Variants in ELP3 observed in about 807,000 individuals in gnomAD.
The protein encoded by ELP3 is elongator complex protein 3.
A neutral mutation model predicts 74.9 loss-of-function variants in ELP3; 56 were observed. The observed-to-expected ratio is 0.75, with a 90% CI of 0.60 to 0.93. The LOEUF is 0.93. Ranked by LOEUF, ELP3 falls within the 40% of genes least tolerant of loss-of-function variation. The probability of loss-of-function intolerance (pLI) is 0.00; values close to 1 mark genes in which losing one functional copy is unlikely to be tolerated. For synonymous variants in ELP3, 222 were observed against 239.8 expected (o/e 0.93, Z 0.68); for missense variants, 573 against 686.5 (o/e 0.83, Z 1.85).
intron 10 of ELP3, among the ~76,000 whole-genome samples, chr8:28,144,295 A>C (rs532729934): frequency 6.6e-6 from 1 of 152,290 alleles, no homozygotes; most frequent in East Asian, 1.9e-4. Flanking sequence ...CTAGTAAAAC[A>C]GCTTCATATC....
intron 7 of ELP3, chr8:28,129,297 G>A: frequency 1.8e-6 from 1 of 552,602 alleles, no homozygotes; most frequent in South Asian, 2.3e-5. Context: ...GCAGTTAAAG[G>A]AACCGAAGCA....
chr8:28,102,303 T>C (rs1333741339), intron 3 of ELP3, among the ~76,000 whole-genome samples: 1 of 152,350 alleles, frequency 6.6e-6, no homozygotes, highest in East Asian at 1.9e-4. Context: ...TCACCTTTCC[T>C]GTCCATGTTA....
intron 3 of ELP3, among the ~76,000 whole-genome samples, chr8:28,102,775 T>A (rs1437074956): frequency 6.6e-6 from 1 of 152,240 alleles, no homozygotes; most frequent in Non-Finnish European, 1.5e-5. Flanking sequence ...GTACATACAT[T>A]AGAATACACT....
At chr8:28,128,215 C>G (rs755058439) in intron 7 of ELP3, among the ~76,000 whole-genome samples, 1 of 151,964 alleles carries the variant, frequency 6.6e-6, no homozygotes, top group Non-Finnish European at 1.5e-5. Flanking sequence ...GGCTCATGCC[C>G]GTAATCCCAG....
chr8:28,179,213 G>A (rs933566775), intron 14 of ELP3, among the ~76,000 whole-genome samples: 11 of 152,180 alleles, frequency 7.2e-5, no homozygotes, highest in African/African-American at 2.4e-4. Flanking sequence ...TATAACAAGG[G>A]CAACTGTATA....
At chr8:28,128,148 G>A (rs1287802307) in intron 7 of ELP3, among the ~76,000 whole-genome samples, 1 of 152,048 alleles carries the variant, frequency 6.6e-6, no homozygotes, top group Non-Finnish European at 1.5e-5. Context: ...TTGTAGAAGG[G>A]TGCACTAAGA....
intron 7 of ELP3, among the ~76,000 whole-genome samples, chr8:28,128,508 G>A (rs575254316): frequency 1.3e-5 from 2 of 152,234 alleles, no homozygotes; most frequent in African/African-American, 4.8e-5. Flanking sequence ...GAAAAGCAGA[G>A]AAGTCTGGGG....
chr8:28,186,798 A>C, intron 14 of ELP3, among the ~76,000 whole-genome samples: 1 of 152,188 alleles, frequency 6.6e-6, no homozygotes, highest in Non-Finnish European at 1.5e-5. Flanking sequence ...TGAATAGATT[A>C]ATCCTTTCAT....
chr8:28,120,464 T>TATA (rs1469860829), intron 7 of ELP3, among the ~76,000 whole-genome samples: 1 of 152,264 alleles, frequency 6.6e-6, no homozygotes, highest in Non-Finnish European at 1.5e-5. Context: ...TTGTCAGCTC[T>TATA]ATATTTTGCA....
intron 2 of ELP3, 110 bp from the exon 3 acceptor site, chr8:28,099,718 G>C: frequency 8.4e-7 from 1 of 1,189,282 alleles, no homozygotes; most frequent in South Asian, 1.3e-5. Flanking sequence ...GTCACGTGGT[G>C]AAGGGATTGG....
At chr8:28,108,457 CTTTTTTT>C (rs33948469) in intron 5 of ELP3, among the ~76,000 whole-genome samples, 2 of 117,572 alleles carry the variant, frequency 1.7e-5, no homozygotes, top group African/African-American at 6.6e-5. Context: ...ATTTTTTTTT[CTTTTTTT>C]TTTTTTTTTT....
At chr8:28,155,246 A>G (rs764704649) in intron 10 of ELP3, among the ~76,000 whole-genome samples, 1 of 152,182 alleles carries the variant, frequency 6.6e-6, no homozygotes, top group Non-Finnish European at 1.5e-5. Context: ...TTTGTTAACT[A>G]TTTTATCTTT....
intron 3 of ELP3, among the ~76,000 whole-genome samples, chr8:28,101,111 T>G (rs1811462750): frequency 6.6e-6 from 1 of 151,344 alleles, no homozygotes; most frequent in African/African-American, 2.5e-5. Context: ...TTTTGTTTGT[T>G]TGTATCTAGT....
chr8:28,163,210 C>T (rs769681861), intron 14 of ELP3, among the ~76,000 whole-genome samples: 3 of 152,144 alleles, frequency 2.0e-5, no homozygotes, highest in African/African-American at 4.8e-5. Context: ...TTACAGAAAT[C>T]GCTGTTCCCA....
chr8:28,097,110 T>G (rs1811282176), intron 1 of ELP3, 109 bp from the exon 2 acceptor site: 2 of 660,168 alleles, frequency 3.0e-6, no homozygotes, highest in Admixed American at 5.3e-5. Context: ...CTTGAGCTAT[T>G]CATTTGGCAT....
intron 13 of ELP3, among the ~76,000 whole-genome samples, chr8:28,161,068 C>T (rs956852748): frequency 2.6e-5 from 4 of 152,104 alleles, no homozygotes; most frequent in Non-Finnish European, 5.9e-5. Flanking sequence ...ATTGTGGAGT[C>T]AGGTTAGACA....
At chr8:28,149,637 G>T (rs1014253473) in intron 10 of ELP3, among the ~76,000 whole-genome samples, 1 of 152,060 alleles carries the variant, frequency 6.6e-6, no homozygotes, top group Non-Finnish European at 1.5e-5. Flanking sequence ...TGGTTTCATT[G>T]ATTTGTTTCT....
intron 10 of ELP3, among the ~76,000 whole-genome samples, chr8:28,152,330 G>A (rs1033574478): frequency 6.6e-6 from 1 of 152,140 alleles, no homozygotes; most frequent in Admixed American, 6.6e-5. Context: ...TTGTTGAGTT[G>A]TAAGAGTTCA....
intron 7 of ELP3, among the ~76,000 whole-genome samples, chr8:28,124,869 T>TA (rs1446869507): frequency 2.0e-5 from 3 of 152,222 alleles, no homozygotes; most frequent in Non-Finnish European, 2.9e-5. Flanking sequence ...ATTCTGTCGT[T>TA]ACTTCATTTT....
Sources: allele counts gnomAD v4.1 joint callset (sites outside exome capture counted in the v4.1 genomes callset), GRCh38; gene constraint gnomAD v4.1.1; transcripts MANE v1.5; gene names NCBI Gene and HGNC (gene_info 2026-07-23, HGNC 2026-07-21).